The following PEX11B variants were observed in gnomAD, a reference collection of about 807,000 sequenced individuals.
PEX11B encodes peroxisomal membrane protein 11B.
PEX11B carries 18 observed loss-of-function variants against 28.2 expected under a neutral mutation model. That is an observed-to-expected ratio of 0.64 (90% CI 0.44 to 0.95). PEX11B has a LOEUF of 0.95. Ranked by LOEUF, PEX11B falls within the 40% of genes least tolerant of loss-of-function variation. The pLI, the probability that PEX11B is intolerant of heterozygous loss-of-function variation, is 0.00. For missense variants in PEX11B, 305 were observed against 319.8 expected (o/e 0.95, Z 0.35); for synonymous variants, 128 against 128.7 (o/e 0.99, Z 0.04).
At position 145,918,648 on chromosome 1, in the gene PEX11B, C is replaced by G. The variant is rs1381071225; in HGVS notation, c.41G>C (p.Arg14Pro). 6.3e-7 allele frequency: 1 copy of G among 1,596,008 alleles called. No homozygotes were observed. The highest frequency in any genetic ancestry group is 8.5e-7 in the Non-Finnish European group (1 of 1,172,078). ...CGGGCCGCACCTACACAGCCGCTCC[C>G]GGGCTTGGCTCTGAGCACTGAAGCG... The part of the protein sequence containing the change: ...WVRFSAQSQA[R>P]ERLCRAAQYA... The change falls in exon 1 of 4, where the codon CGG becomes CCG. Residue 14 changes from arginine to proline, a missense_variant. Coordinates refer to ENST00000369306, the MANE Select transcript of PEX11B (RefSeq NM_003846.3).
At position 145,918,716 on chromosome 1, in the gene PEX11B, C is replaced by T. The variant is rs1222954618; in HGVS notation, c.-28G>A. On this transcript the variant is annotated 5_prime_UTR_variant, in exon 1 of 4. Coordinates refer to ENST00000369306, the MANE Select transcript of PEX11B (RefSeq NM_003846.3). ...CAGCCGCAGCCCAGGCTCCGCGGCC[C>T]TGCTCCCGCCCCACTTCCCGCCCCT... is the stretch of plus-strand genomic sequence containing the variant. 6.4e-7 allele frequency: 1 copy of T among 1,557,770 alleles called. No homozygotes were observed. The highest frequency in any genetic ancestry group is 8.7e-7 in the Non-Finnish European group (1 of 1,150,848).
At chr1:145,918,520 A>G in intron 1 of PEX11B, 113 bp downstream of exon 1, 1 of 1,540,492 alleles carries the variant, frequency 6.5e-7, no homozygotes, top group South Asian at 1.2e-5. Flanking sequence ...GGGCCCCCGT[A>G]GCCGGAGTTG....
At chr1:145,917,449 A>G (rs1647455892) in intron 2 of PEX11B, among the ~76,000 whole-genome samples, 1 of 152,152 alleles carries the variant, frequency 6.6e-6, no homozygotes, top group South Asian at 2.1e-4. Context: ...TAAAGAGCAG[A>G]AACAGTCCAT....
At chr1:145,917,900 TC>T in intron 1 of PEX11B, 84 bp from the exon 2 acceptor site, 1 of 1,389,850 alleles carries the variant, frequency 7.2e-7, no homozygotes. Context: ...CAGACAGACT[TC>T]CCCCTTTCCC....
chr1:145,912,523 A>G lies in PEX11B; in HGVS notation c.418T>C (p.Tyr140His). 1 of 1,495,294 alleles carries G rather than the reference A, an allele frequency of 6.7e-7. No individual in the cohort carries two copies. Among genetic ancestry groups the G allele is most frequent in the Non-Finnish European group, 8.9e-7 (1 of 1,122,322 alleles). 92.6% of individuals were successfully genotyped at this position (1,495,294 alleles called of 1,614,324 possible). ...SLIMNLSRDAYEIRLLMEQES... is the reference protein window; with the variant it reads ...SLIMNLSRDAHEIRLLMEQES... Reference sequence around the variant, plus strand: ...TGCTCCATCAGTAGGCGAATCTCATAAGCATCACGGCTCAAATTCATGATG... The same window carrying G: ...TGCTCCATCAGTAGGCGAATCTCATGAGCATCACGGCTCAAATTCATGATG... Residue 140 changes from tyrosine (Y) to histidine (H), a missense_variant, in exon 4 of 4, where the codon TAT (tyrosine) becomes CAT (histidine). Tyr to His is a moderately conservative substitution (Grantham distance 83). Coordinates refer to ENST00000369306, the MANE Select transcript of PEX11B (RefSeq NM_003846.3).
rs1464864871 is a variant in PEX11B, at chr1:145,912,167, C to CT, written c.773dup (p.Pro259AlafsTer54). On this transcript the variant is annotated frameshift_variant, in exon 4 of 4. Transcript: ENST00000369306. LOFTEE classifies it high-confidence loss of function. The stretch of plus-strand genomic sequence containing the variant: ...CTTATCCTGTACCGGAAGGTCAGGG[C>CT]TTGAGTCGTAGCCAGGGATAGATTA... 1.9e-6 allele frequency: 3 copies of CT among 1,600,288 alleles called. No homozygotes were observed. The highest frequency in any genetic ancestry group is 2.6e-6 in the Non-Finnish European group (3 of 1,172,420).
At chr1:145,916,207 C>T (rs782185164) in intron 3 of PEX11B, among the ~76,000 whole-genome samples, 3 of 152,130 alleles carry the variant, frequency 2.0e-5, no homozygotes, top group Non-Finnish European at 4.4e-5. Context: ...TTAGAATGTG[C>T]AATTTTCTCT....
rs1455683216 is a variant in PEX11B at position 145,911,586 on chromosome 1, A to T, written c.*575T>A. 1.2e-5 allele frequency: 2 copies of T among 170,002 alleles called. No individual in the cohort carries two copies. Among genetic ancestry groups the T allele is most frequent in the Non-Finnish European group, 2.6e-5 (2 of 77,360 alleles). The allele number at this position is 170,002 out of a possible 1,614,324, so 10.5% of individuals were successfully genotyped here. On this transcript the variant is annotated 3_prime_UTR_variant, in exon 4 of 4. Transcript: ENST00000369306. ...TACAAGGAAGGATAAGGGCCAAATGATGAGCGAGGTTGGTGAGGTAGACAT... is the reference window on the plus strand; with the variant it reads ...TACAAGGAAGGATAAGGGCCAAATGTTGAGCGAGGTTGGTGAGGTAGACAT...
rs370639608 is a variant in PEX11B, at chr1:145,915,915, G to C, written c.374+902C>G. Among the ~76,000 whole-genome samples, 25 of 152,270 alleles carry C rather than the reference G, an allele frequency of 1.6e-4. 2 individuals carry two copies. Among genetic ancestry groups the C allele is most frequent in the Admixed American group, 9.1e-4 (14 of 15,304 alleles). Reference sequence around the variant, plus strand: ...CCCAAAGTGCTGGGATTACAGGCGTGAGCCACTGCGCCCGGCCTGCAATCC... The same window carrying C: ...CCCAAAGTGCTGGGATTACAGGCGTCAGCCACTGCGCCCGGCCTGCAATCC... On this transcript the variant is annotated intron_variant, in intron 3 of 3. Transcript: ENST00000369306.
Position 145,912,596 on chromosome 1 carries a change from G to C in PEX11B, c.375-30C>G, listed in dbSNP as rs141833117. ...TACACAGAGCAAAAGGGTCAGTAAG[G>C]GCATGTATACCTACTTAACATATCC... On this transcript the variant is annotated intron_variant, in intron 3 of 3. Coordinates refer to ENST00000369306, the MANE Select transcript of PEX11B (RefSeq NM_003846.3). The C allele has an allele frequency of 2.1e-4, 293 of 1,403,172 alleles. 1 individual carries two copies. In the African/African-American group the frequency reaches 4.0e-3, roughly 19 times the overall value. The allele number at this position is 1,403,172 out of a possible 1,614,324, so 86.9% of individuals were successfully genotyped here.
rs1657786787 is a variant in PEX11B at position 145,911,585 on chromosome 1, G to C, written c.*576C>G. The C allele has an allele frequency of 5.9e-6, 1 of 169,836 alleles. No homozygotes were observed. The highest frequency in any genetic ancestry group is 1.3e-5 in the Non-Finnish European group (1 of 77,254). 10.5% of individuals were successfully genotyped at this position (169,836 alleles called of 1,614,324 possible). ...GTACAAGGAAGGATAAGGGCCAAAT[G>C]ATGAGCGAGGTTGGTGAGGTAGACA... On this transcript the variant is annotated 3_prime_UTR_variant, in exon 4 of 4. Transcript: ENST00000369306.
intron 1 of PEX11B, chr1:145,918,138 G>T (rs1647517027): frequency 1.0e-6 from 1 of 985,474 alleles, no homozygotes. Flanking sequence ...GATCGATGAG[G>T]GGGAGGCAGA....
chr1:145,915,108 G>A (rs1352871853), intron 3 of PEX11B, among the ~76,000 whole-genome samples: 2 of 152,212 alleles, frequency 1.3e-5, no homozygotes, highest in South Asian at 2.1e-4. Context: ...TCTCCATGCC[G>A]GTCAGGCTGG....
In PEX11B at chr1:145,912,135, T is replaced by C. The variant is rs1160753757; in HGVS notation, c.*26A>G. On this transcript the variant is annotated 3_prime_UTR_variant, in exon 4 of 4. Coordinates refer to ENST00000369306, the MANE Select transcript of PEX11B (RefSeq NM_003846.3). Reference sequence around the variant, plus strand: ...TAAGATTCCATCTCACCAATTCAGGTCCCCTCCTTATCCTGTACCGGAAGG... The same window carrying C: ...TAAGATTCCATCTCACCAATTCAGGCCCCCTCCTTATCCTGTACCGGAAGG... 6.6e-7 allele frequency: 1 copy of C among 1,511,686 alleles called. No individual in the cohort carries two copies. The highest frequency in any genetic ancestry group is 8.9e-7 in the Non-Finnish European group (1 of 1,125,444). 93.6% of individuals were successfully genotyped at this position (1,511,686 alleles called of 1,614,324 possible). A position where few individuals can be genotyped will look rare whatever the true frequency, so the allele number is the denominator to read the frequency against.
intron 3 of PEX11B, among the ~76,000 whole-genome samples, chr1:145,914,235 G>T (rs771900966): frequency 6.6e-6 from 1 of 152,106 alleles, no homozygotes; most frequent in Non-Finnish European, 1.5e-5. Flanking sequence ...TTAGCTGGGT[G>T]TGGTGGCGCG....
chr1:145,913,270 A>G (rs1343053865), intron 3 of PEX11B, among the ~76,000 whole-genome samples: 2 of 152,160 alleles, frequency 1.3e-5, no homozygotes, highest in Admixed American at 6.6e-5. Context: ...ACTGTATTGT[A>G]TATTTGAAAT....
rs148283009 is a variant in PEX11B at position 145,912,700 on chromosome 1, C to T, written c.375-134G>A. The T allele has an allele frequency of 5.2e-6, 3 of 574,014 alleles. No individual in the cohort carries two copies. The East Asian group carries it at 9.0e-5, about 17-fold the overall frequency. 35.6% of individuals were successfully genotyped at this position (574,014 alleles called of 1,614,324 possible). On this transcript the variant is annotated intron_variant, in intron 3 of 3. Transcript: ENST00000369306. The stretch of plus-strand genomic sequence containing the variant: ...TCAGAAGTAAAGTGAATGCTATTAC[C>T]CCTATTAGAAATGTCCTCCATCGAG...
intron 1 of PEX11B, chr1:145,918,158 G>A (rs1553754247): frequency 5.1e-6 from 5 of 985,290 alleles, no homozygotes; most frequent in African/African-American, 1.7e-5. Context: ...ACAGTTGGAG[G>A]GCATTTTATT....
At chr1:145,912,591 G>C in intron 3 of PEX11B, 25 bp from the exon 4 acceptor site, 2 of 1,430,986 alleles carry the variant, frequency 1.4e-6, no homozygotes, top group Non-Finnish European at 1.9e-6. Context: ...AAAAGGGTCA[G>C]TAAGGGCATG....
Sources: gnomAD v4.1 joint callset for allele counts (sites outside exome capture counted in the v4.1 genomes callset) on GRCh38, gnomAD v4.1.1 for gene constraint, MANE v1.5 for transcripts, NCBI Gene and HGNC (gene_info 2026-07-23, HGNC 2026-07-21) for gene names.